PPM1H: variants seen among roughly 807,000 people sequenced by gnomAD.
The protein encoded by PPM1H is protein phosphatase 1H.
A neutral mutation model predicts 54.9 loss-of-function variants in PPM1H; 27 were observed. The observed-to-expected ratio is 0.49, with a 90% confidence interval of 0.36 to 0.68. The LOEUF (loss-of-function observed/expected upper bound fraction) is 0.68, where lower values mean the gene tolerates loss of function less well. Among genes scored for constraint, PPM1H ranks in the 30% least tolerant of loss-of-function variants. PPM1H has a pLI of 0.00. For missense variants in PPM1H, 596 were observed against 667.8 expected (o/e 0.89, Z 1.19); for synonymous variants, 305 against 270.8 (o/e 1.13, Z -1.24).
intron 1 of PPM1H, among the ~76,000 whole-genome samples, chr12:62,908,189 C>A (rs562095674): frequency 6.6e-6 from 1 of 151,916 alleles, no homozygotes; most frequent in Non-Finnish European, 1.5e-5. Context: ...CGAGGGTGGG[C>A]GGATCACCTG....
At chr12:62,675,555 G>A (rs992105928) in intron 8 of PPM1H, among the ~76,000 whole-genome samples, 1 of 152,208 alleles carries the variant, frequency 6.6e-6, no homozygotes, top group African/African-American at 2.4e-5. Context: ...GATGAACCAA[G>A]TTGCCTCAAG....
intron 2 of PPM1H, among the ~76,000 whole-genome samples, chr12:62,803,642 A>G (rs945581792): frequency 6.6e-6 from 1 of 152,234 alleles, no homozygotes; most frequent in Non-Finnish European, 1.5e-5. Flanking sequence ...GGTCTTGGCA[A>G]TGATTATTTA....
rs770951168 is a variant in PPM1H, at chr12:62,693,915, AG to A, written c.1137+20del. 1.4e-5 allele frequency: 23 copies of A among 1,606,494 alleles called. No homozygotes were observed. The highest frequency in any genetic ancestry group is 1.0e-4 in the Admixed American group (6 of 59,386). ...GGACAGAGCCCTGTCCTCTCTACCC[AG>A]GGGAAGCACACGTGCCTACCTTCTT... On this transcript the variant is annotated intron_variant, in intron 7 of 9. Coordinates refer to ENST00000228705, the MANE Select transcript of PPM1H (RefSeq NM_020700.2).
intron 4 of PPM1H, among the ~76,000 whole-genome samples, chr12:62,763,404 G>A (rs1412119056): frequency 6.6e-6 from 1 of 152,220 alleles, no homozygotes; most frequent in Admixed American, 6.5e-5. Context: ...AAATGTGCAT[G>A]AGTGGGAGCG....
In PPM1H at chr12:62,788,234, C is replaced by T. The variant is rs2076684089; in HGVS notation, c.861G>A (p.Gly287=). Residue 287 remains glycine, a synonymous_variant, in exon 4 of 10, where the codon GGG becomes GGA. Transcript: ENST00000228705. The part of the protein sequence containing the change: ...LLGKLYVANA[G]DSRAIIIRNG... Reference sequence around the variant, plus strand: ...ACAGCTCATCTGCTTACCTGCTATCCCCAGCATTTGCAACATACAGCTTCC... The same window carrying T: ...ACAGCTCATCTGCTTACCTGCTATCTCCAGCATTTGCAACATACAGCTTCC... The T allele has an allele frequency of 3.2e-6, 5 of 1,586,968 alleles. No individual in the cohort carries two copies. The South Asian group carries it at 3.4e-5, about 11-fold the overall frequency.
At chr12:62,774,991 G>A (rs1328734647) in intron 4 of PPM1H, among the ~76,000 whole-genome samples, 3 of 152,174 alleles carry the variant, frequency 2.0e-5, no homozygotes, top group African/African-American at 7.2e-5. Context: ...GACTAGATGA[G>A]TGGTTCCCAC....
intron 4 of PPM1H, among the ~76,000 whole-genome samples, chr12:62,745,459 A>G (rs2076405225): frequency 6.6e-6 from 1 of 152,308 alleles, no homozygotes; most frequent in East Asian, 1.9e-4. Context: ...AGATTTGGCT[A>G]TGCAGTCACA....
chr12:62,704,839 T>C (rs1336618355), intron 6 of PPM1H, among the ~76,000 whole-genome samples: 1 of 152,174 alleles, frequency 6.6e-6, no homozygotes, highest in Non-Finnish European at 1.5e-5. Context: ...AATCACCTGA[T>C]TGGTAGGTTT....
At chr12:62,702,366 G>C (rs1186975584) in intron 6 of PPM1H, among the ~76,000 whole-genome samples, 1 of 152,052 alleles carries the variant, frequency 6.6e-6, no homozygotes, top group Non-Finnish European at 1.5e-5. Flanking sequence ...TTGGTTTAAA[G>C]GCAAGTTCCT....
At chr12:62,707,337 C>A (rs542354391) in intron 6 of PPM1H, among the ~76,000 whole-genome samples, 1 of 152,200 alleles carries the variant, frequency 6.6e-6, no homozygotes. Context: ...TCTACTGGCA[C>A]CTTATGAACA....
Position 62,736,940 on chromosome 12 carries a change from T to C in PPM1H, c.954+562A>G, listed in dbSNP as rs183625128. 2.0e-5 allele frequency among the ~76,000 whole-genome samples: 3 copies of C among 152,326 alleles called. No homozygotes were observed. The East Asian group carries it at 5.8e-4, about 29-fold the overall frequency. On this transcript the variant is annotated intron_variant, in intron 5 of 9. Transcript: ENST00000228705. ...CAGAAAACTGAGCCCGCTCATAATT[T>C]CATTCCAAAGAGAATAATCTACATA...
intron 1 of PPM1H, among the ~76,000 whole-genome samples, chr12:62,918,537 C>A (rs780468109): frequency 2.6e-5 from 4 of 152,298 alleles, no homozygotes; most frequent in Admixed American, 2.0e-4. Flanking sequence ...AATTTTCAAT[C>A]TAAACATTGA....
At chr12:62,776,193 G>A (rs7311838) in intron 4 of PPM1H, among the ~76,000 whole-genome samples, 3,927 of 152,230 alleles carry the variant, frequency 0.026, 167 homozygotes, top group African/African-American at 0.089. Flanking sequence ...AGATTTGGGT[G>A]GGGACACAGC....
chr12:62,896,348 C>T (rs1870987490), intron 1 of PPM1H, among the ~76,000 whole-genome samples: 1 of 152,158 alleles, frequency 6.6e-6, no homozygotes, highest in East Asian at 1.9e-4. Context: ...GCAATCTACC[C>T]ATCTGACAAA....
At chr12:62,717,443 T>C (rs1268525181) in intron 6 of PPM1H, among the ~76,000 whole-genome samples, 2 of 149,614 alleles carry the variant, frequency 1.3e-5, no homozygotes, top group Non-Finnish European at 2.9e-5. Context: ...CTTAGGACCA[T>C]GCTAATGCAG....
intron 1 of PPM1H, among the ~76,000 whole-genome samples, chr12:62,834,733 G>C (rs567857583): frequency 6.6e-6 from 1 of 152,278 alleles, no homozygotes; most frequent in Admixed American, 6.5e-5. Flanking sequence ...GCTGAAGCTC[G>C]TAGTACAGAA....
Position 62,655,100 on chromosome 12 carries a change from G to A in PPM1H, c.1398-6464C>T, listed in dbSNP as rs555560073. On this transcript the variant is annotated intron_variant, in intron 9 of 9. Coordinates refer to ENST00000228705, the MANE Select transcript of PPM1H (RefSeq NM_020700.2). The stretch of plus-strand genomic sequence containing the variant: ...TCCTGACATTCCCTTCATGCCACAG[G>A]AGACCAGCATTGCAGTGAAACTCAG... Among the ~76,000 whole-genome samples, 4 of 151,946 alleles carry A rather than the reference G, an allele frequency of 2.6e-5. No homozygotes were observed. In the East Asian group the frequency reaches 8.2e-4, roughly 31 times the overall value.
chr12:62,747,680 A>G (rs868362509), intron 4 of PPM1H, among the ~76,000 whole-genome samples: 1 of 152,238 alleles, frequency 6.6e-6, no homozygotes, highest in Non-Finnish European at 1.5e-5. Flanking sequence ...AGCACACTTC[A>G]GCCCTTCTGC....
At chr12:62,692,931 T>TCACACACACACA (rs1343804577) in intron 7 of PPM1H, among the ~76,000 whole-genome samples, 1 of 46,724 alleles carries the variant, frequency 2.1e-5, no homozygotes, top group Non-Finnish European at 3.6e-5. Flanking sequence ...GCTTTTGCTC[T>TCACACACACACA]GACACACACA....
Sources: gnomAD v4.1 joint callset for allele counts (sites outside exome capture counted in the v4.1 genomes callset) on GRCh38, gnomAD v4.1.1 for gene constraint, MANE v1.5 for transcripts, NCBI Gene and HGNC (gene_info 2026-07-23, HGNC 2026-07-21) for gene names.